Variants in IQSEC1 observed in about 807,000 individuals in gnomAD.
IQSEC1 encodes IQ motif and Sec7 domain ArfGEF 1.
In IQSEC1, 31 loss-of-function variants were observed where a neutral mutation model predicts 91.0. The ratio of observed to expected loss-of-function variants is 0.34; its 90% confidence interval spans 0.26 to 0.46. IQSEC1 has a LOEUF of 0.46. Among genes scored for constraint, IQSEC1 ranks in the 20% least tolerant of loss-of-function variants. IQSEC1 has a pLI of 1.00. For missense variants in IQSEC1, 1,388 were observed against 1,575.6 expected, an observed-to-expected ratio of 0.88 and a Z score of 2.02; for synonymous variants, 699 against 662.6, an observed-to-expected ratio of 1.05 and a Z score of -0.84.
chr3:12,928,478 G>C (rs1697360372), intron 3 of IQSEC1, among the ~76,000 whole-genome samples: 1 of 152,168 alleles, frequency 6.6e-6, no homozygotes, highest in Non-Finnish European at 1.5e-5. Flanking sequence ...CCAGGGTGGG[G>C]CTGGGAGTCT....
intron 2 of IQSEC1, among the ~76,000 whole-genome samples, chr3:12,939,278 A>G (rs1340940115): frequency 6.6e-6 from 1 of 152,204 alleles, no homozygotes; most frequent in South Asian, 2.1e-4. Flanking sequence ...TGTCCCTTCA[A>G]GGGAAACTTC....
intron 1 of IQSEC1, among the ~76,000 whole-genome samples, chr3:13,038,880 T>C (rs1704145663): frequency 6.6e-6 from 1 of 152,166 alleles, no homozygotes; most frequent in Admixed American, 6.5e-5. Flanking sequence ...CATAAATATA[T>C]ACACTTACTA....
At chr3:13,079,058 C>A (rs1243704186) in intron 2 of IQSEC1, among the ~76,000 whole-genome samples, 1 of 152,274 alleles carries the variant, frequency 6.6e-6, no homozygotes, top group East Asian at 1.9e-4. Context: ...GAGGCCCTCA[C>A]AAGGCCCTGG....
chr3:12,907,246 G>GA (rs1695079035), intron 12 of IQSEC1, among the ~76,000 whole-genome samples: 1 of 152,080 alleles, frequency 6.6e-6, no homozygotes, highest in African/African-American at 2.4e-5. Flanking sequence ...GAAAACAAAG[G>GA]AAAAAATCCA....
intron 1 of IQSEC1, among the ~76,000 whole-genome samples, chr3:13,002,668 A>G (rs1450133793): frequency 1.3e-5 from 2 of 152,254 alleles, no homozygotes; most frequent in African/African-American, 4.8e-5. Flanking sequence ...CAATTTTTAA[A>G]TGGGCAAAAG....
rs752650894 is a variant in IQSEC1, at chr3:12,920,482, A to G, written c.1968T>C (p.Asn656=). 3.1e-6 allele frequency: 5 copies of G among 1,614,064 alleles called. No homozygotes were observed. In the East Asian group the frequency reaches 8.9e-5, roughly 29 times the overall value. Residue 656 remains asparagine (N), a synonymous_variant, in exon 6 of 14, where the codon AAT becomes AAC. Coordinates refer to ENST00000613206, the MANE Select transcript of IQSEC1 (RefSeq NM_001134382.3). ...ILLNTDMYSP[N]VKPERKMKLE... ...GCTTCATTTTCCGCTCGGGCTTGAC[A>G]TTGGGGCTGTACATGTCGGTGTTCA...
chr3:13,221,149 G>A (rs1301660090), intron 1 of IQSEC1, among the ~76,000 whole-genome samples: 2 of 152,072 alleles, frequency 1.3e-5, no homozygotes, highest in Non-Finnish European at 2.9e-5. Context: ...GGAGGCCTTG[G>A]TGAGGGGAGG....
chr3:13,079,513 G>C (rs1451353336), intron 2 of IQSEC1, among the ~76,000 whole-genome samples: 2 of 152,222 alleles, frequency 1.3e-5, no homozygotes, highest in Non-Finnish European at 2.9e-5. Flanking sequence ...GACTCAAGCA[G>C]GGCTGTGAGA....
At chr3:13,213,561 G>A (rs1423447626) in intron 1 of IQSEC1, among the ~76,000 whole-genome samples, 1 of 152,178 alleles carries the variant, frequency 6.6e-6, no homozygotes, top group African/African-American at 2.4e-5. Flanking sequence ...GGAACCTGAA[G>A]GCAGGATTTT....
intron 1 of IQSEC1, among the ~76,000 whole-genome samples, chr3:13,042,661 C>T (rs895679298): frequency 6.6e-6 from 1 of 152,218 alleles, no homozygotes; most frequent in Non-Finnish European, 1.5e-5. Context: ...CTGGGACACA[C>T]CAAGGCAGCT....
At chr3:13,083,261 A>G (rs1254641929) in intron 2 of IQSEC1, among the ~76,000 whole-genome samples, 2 of 152,232 alleles carry the variant, frequency 1.3e-5, no homozygotes, top group Admixed American at 1.3e-4. Context: ...CCATTAATGC[A>G]GATGGGGGCT....
intron 1 of IQSEC1, among the ~76,000 whole-genome samples, chr3:13,060,084 G>A (rs555027425): frequency 1.3e-5 from 2 of 152,226 alleles, no homozygotes; most frequent in African/African-American, 2.4e-5. Flanking sequence ...CTGTGTGCCC[G>A]GTATATGACC....
chr3:12,905,322 A>G (rs1002790915), intron 12 of IQSEC1, among the ~76,000 whole-genome samples: 3 of 152,266 alleles, frequency 2.0e-5, no homozygotes, highest in African/African-American at 7.2e-5. Flanking sequence ...GTAACGTGGC[A>G]GTGCTCTCCT....
chr3:13,086,017 C>T (rs1013872221), intron 2 of IQSEC1, among the ~76,000 whole-genome samples: 6 of 152,208 alleles, frequency 3.9e-5, no homozygotes, highest in Non-Finnish European at 7.3e-5. Flanking sequence ...TAACTTGGGC[C>T]GCCGCAGGGC....
At chr3:13,052,319 C>T (rs955367291) in intron 1 of IQSEC1, among the ~76,000 whole-genome samples, 2 of 152,212 alleles carry the variant, frequency 1.3e-5, no homozygotes, top group Non-Finnish European at 2.9e-5. Context: ...TTTTTAAGAC[C>T]GGCTTTCTGC....
chr3:12,957,625 G>A (rs994612840), intron 1 of IQSEC1, among the ~76,000 whole-genome samples: 1 of 152,220 alleles, frequency 6.6e-6, no homozygotes, highest in African/African-American at 2.4e-5. Flanking sequence ...CTCTGGACAG[G>A]GTGTGGACAG....
intron 5 of IQSEC1, among the ~76,000 whole-genome samples, chr3:12,921,038 C>T (rs1696584777): frequency 6.6e-6 from 1 of 152,192 alleles, no homozygotes; most frequent in African/African-American, 2.4e-5. Context: ...GAGAAGCACT[C>T]TGCCTTGTCT....
chr3:13,121,235 C>G (rs1490761407), intron 2 of IQSEC1, among the ~76,000 whole-genome samples: 1 of 152,234 alleles, frequency 6.6e-6, no homozygotes, highest in Non-Finnish European at 1.5e-5. Context: ...CGACAGGACC[C>G]CATGGCCCAC....
At chr3:12,949,131 G>A (rs933519920) in intron 1 of IQSEC1, among the ~76,000 whole-genome samples, 2 of 152,332 alleles carry the variant, frequency 1.3e-5, no homozygotes, top group Admixed American at 6.5e-5. Flanking sequence ...CCAAGTCAAG[G>A]TTGTGAGTAT....
Sources: gnomAD v4.1 joint callset for allele counts (sites outside exome capture counted in the v4.1 genomes callset) on GRCh38, gnomAD v4.1.1 for gene constraint, MANE v1.5 for transcripts, NCBI Gene and HGNC (gene_info 2026-07-23, HGNC 2026-07-21) for gene names.